FARP1: variants seen among roughly 807,000 people sequenced by gnomAD.
FARP1 encodes FERM, ARHGEF and pleckstrin domain-containing protein 1.
In FARP1, 52 loss-of-function variants were observed where a neutral mutation model predicts 128.8. The observed-to-expected ratio is 0.40, with a 90% confidence interval of 0.32 to 0.51. The LOEUF (loss-of-function observed/expected upper bound fraction) is 0.51. Among genes scored for constraint, FARP1 ranks in the 20% least tolerant of loss-of-function variants. The pLI is 0.45. For synonymous variants in FARP1, 580 were observed against 551.8 expected (o/e 1.05, Z -0.72); for missense variants, 1,333 against 1,367.9 (o/e 0.97, Z 0.40).
chr13:98,176,436 G>T lies in FARP1; in HGVS notation c.-24+32944G>T, dbSNP rs115032993. 258 of 1,614,212 alleles carry T rather than the reference G, an allele frequency of 1.6e-4. 1 individual carries two copies. In the East Asian group the frequency reaches 2.6e-3, roughly 16 times the overall value. On this transcript the variant is annotated intron_variant, in intron 1 of 26. Transcript: ENST00000319562. The surrounding 1 kb of genome is among the most constrained non-coding windows in gnomAD (Gnocchi z 6.2). ...AGAAATAATGCCTGCACTTGGTGAC[G>T]ACTGGGTTTTGGAAGGCCTGGCGAC... is the stretch of plus-strand genomic sequence containing the variant.
intron 6 of FARP1, among the ~76,000 whole-genome samples, chr13:98,379,538 A>G (rs919848388): frequency 2.0e-4 from 30 of 152,084 alleles, no homozygotes; most frequent in Middle Eastern, 3.4e-3. Context: ...TCCTTTTCAT[A>G]AGGCTGTAAA....
intron 2 of FARP1, among the ~76,000 whole-genome samples, chr13:98,250,786 G>A (rs956926293): frequency 6.6e-6 from 1 of 152,096 alleles, no homozygotes; most frequent in Non-Finnish European, 1.5e-5. Flanking sequence ...ACTCTCTGAA[G>A]ACTTTTAACC....
chr13:98,187,791 A>G (rs1339292669), intron 1 of FARP1, among the ~76,000 whole-genome samples: 2 of 152,038 alleles, frequency 1.3e-5, no homozygotes, highest in East Asian at 3.9e-4. Context: ...GCTGTTGGGG[A>G]CATGTACAGT....
intron 2 of FARP1, among the ~76,000 whole-genome samples, chr13:98,242,935 A>T (rs1882856155): frequency 6.6e-6 from 1 of 152,272 alleles, no homozygotes; most frequent in East Asian, 1.9e-4. Context: ...GGTTGTAGGC[A>T]TTTAGCTCAG....
intron 1 of FARP1, among the ~76,000 whole-genome samples, chr13:98,201,224 C>T (rs2139270032): frequency 6.6e-6 from 1 of 152,294 alleles, no homozygotes; most frequent in South Asian, 2.1e-4. Flanking sequence ...GAGCAGATCC[C>T]TAAAGTCTGG....
intron 3 of FARP1, among the ~76,000 whole-genome samples, chr13:98,353,280 A>T (rs1888510358): frequency 6.6e-6 from 1 of 152,154 alleles, no homozygotes; most frequent in Non-Finnish European, 1.5e-5. Flanking sequence ...GTTTGGAAGG[A>T]GTTGACCAGC....
At chr13:98,333,890 T>A (rs1887627779) in intron 2 of FARP1, 1 of 152,090 alleles carries the variant, frequency 6.6e-6, no homozygotes, top group Non-Finnish European at 1.5e-5. Flanking sequence ...GAGGGTGCCA[T>A]CCAGTCTGCT....
Position 98,453,296 on chromosome 13 carries a change from T to C in FARP1, c.*4979T>C. ...CATATAGTAACCAAAATCTTAGTTTTCATAAGAAATTCCAAGTCATACAAA... is the reference window on the plus strand; with the variant it reads ...CATATAGTAACCAAAATCTTAGTTTCCATAAGAAATTCCAAGTCATACAAA... On this transcript the variant is annotated 3_prime_UTR_variant, in exon 27 of 27. Coordinates refer to ENST00000319562, the MANE Select transcript of FARP1 (RefSeq NM_005766.4). 1 of 1,377,374 alleles carries C rather than the reference T, an allele frequency of 7.3e-7. No individual in the cohort carries two copies. The highest frequency in any genetic ancestry group is 1.0e-6 in the Non-Finnish European group (1 of 998,686). The allele number at this position is 1,377,374 out of a possible 1,614,324, so 85.3% of individuals were successfully genotyped here.
At chr13:98,154,148 G>A (rs1377198343) in intron 1 of FARP1, among the ~76,000 whole-genome samples, 1 of 152,190 alleles carries the variant, frequency 6.6e-6, no homozygotes, top group Non-Finnish European at 1.5e-5. Flanking sequence ...TCATATGGAT[G>A]TACCACAGTG....
At chr13:98,194,947 TC>T (rs1262612130) in intron 1 of FARP1, among the ~76,000 whole-genome samples, 3 of 152,226 alleles carry the variant, frequency 2.0e-5, no homozygotes, top group Admixed American at 2.0e-4. Context: ...TGCTTGGACT[TC>T]CCAGCCCCTT....
Position 98,145,453 on chromosome 13 carries a change from AAAG to A in FARP1, c.-24+1966_-24+1968del, listed in dbSNP as rs539743953. 3.3e-5 allele frequency among the ~76,000 whole-genome samples: 5 copies of A among 152,366 alleles called. No homozygotes were observed. In the East Asian group the frequency reaches 7.7e-4, roughly 23 times the overall value. ...ACTTTACTCTGTAGCCAGACTTATCAAAGAAGATCTTAAAATAATTATCCTGGA... is the reference window on the plus strand; with the variant it reads ...ACTTTACTCTGTAGCCAGACTTATCAAAGATCTTAAAATAATTATCCTGGA... On this transcript the variant is annotated intron_variant, in intron 1 of 26. Coordinates refer to ENST00000319562, the MANE Select transcript of FARP1 (RefSeq NM_005766.4).
At chr13:98,276,162 A>G (rs746426490) in intron 2 of FARP1, among the ~76,000 whole-genome samples, 7 of 152,242 alleles carry the variant, frequency 4.6e-5, no homozygotes, top group Non-Finnish European at 8.8e-5. Flanking sequence ...GGAATTAAGC[A>G]TAGCTGAAGG....
chr13:98,153,465 TATAA>T (rs942454022), intron 1 of FARP1, among the ~76,000 whole-genome samples: 104 of 140,824 alleles, frequency 7.4e-4, no homozygotes, highest in African/African-American at 2.5e-3. Flanking sequence ...ATACATTATA[TATAA>T]ATATGTATAA....
intron 13 of FARP1, chr13:98,406,613 A>T (rs11618273): frequency 0.14 from 21,012 of 152,240 alleles, 1,873 homozygotes; most frequent in Non-Finnish European, 0.2. Context: ...AGGCTCCGTG[A>T]GTGAAATGCA....
rs934203259 is a variant in FARP1, at chr13:98,377,768, C to T, written c.399-53C>T. The T allele has an allele frequency of 7.3e-6, 10 of 1,371,446 alleles. No individual in the cohort carries two copies. The African/African-American group carries it at 1.1e-4, about 16-fold the overall frequency. The allele number at this position is 1,371,446 out of a possible 1,614,324, so 85.0% of individuals were successfully genotyped here. Reference sequence around the variant, plus strand: ...GGCCTCTCATGGTGAGGCCAGGTTCCCGGTGACCTCCTGCCCTCTTTGCCT... The same window carrying T: ...GGCCTCTCATGGTGAGGCCAGGTTCTCGGTGACCTCCTGCCCTCTTTGCCT... On this transcript the variant is annotated intron_variant, in intron 5 of 26. Coordinates refer to ENST00000319562, the MANE Select transcript of FARP1 (RefSeq NM_005766.4).
chr13:98,433,463 T>A (rs752810131), intron 18 of FARP1: 1 of 152,226 alleles, frequency 6.6e-6, no homozygotes, highest in Non-Finnish European at 1.5e-5. Context: ...GGGTGGTGGC[T>A]CACACCTGTA....
At chr13:98,265,657 G>A (rs946360237) in intron 2 of FARP1, among the ~76,000 whole-genome samples, 1 of 152,136 alleles carries the variant, frequency 6.6e-6, no homozygotes, top group Non-Finnish European at 1.5e-5. Context: ...ATCATATCCA[G>A]CTGTTTAGAC....
At chr13:98,159,762 C>T (rs1471155187) in intron 1 of FARP1, among the ~76,000 whole-genome samples, 2 of 152,126 alleles carry the variant, frequency 1.3e-5, no homozygotes, top group Non-Finnish European at 2.9e-5. Context: ...TAAGCCTCTG[C>T]GCCCAGCCTA....
intron 2 of FARP1, among the ~76,000 whole-genome samples, chr13:98,275,626 C>CTTTTTT (rs1566822544): frequency 2.1e-5 from 3 of 140,524 alleles, no homozygotes; most frequent in African/African-American, 2.7e-5. Context: ...TTCTCTTTCT[C>CTTTTTT]TCTTTTTTTT....
Sources: gnomAD v4.1 joint callset for allele counts (sites outside exome capture counted in the v4.1 genomes callset) on GRCh38, gnomAD v4.1.1 for gene constraint, Gnocchi (gnomAD v3.1) non-coding constraint, MANE v1.5 for transcripts, NCBI Gene and HGNC (gene_info 2026-07-23, HGNC 2026-07-21) for gene names.